The following CCNH variants were observed in gnomAD, a reference collection of about 807,000 sequenced individuals.
CCNH encodes cyclin H.
CCNH carries 31 observed loss-of-function variants against 41.9 expected under a neutral mutation model. The ratio of observed to expected loss-of-function variants is 0.74; its 90% CI spans 0.56 to 1.00. The LOEUF (loss-of-function observed/expected upper bound fraction) is 1.00. Ranked by LOEUF, CCNH falls within the 50% of genes least tolerant of loss-of-function variation. The pLI is 0.00. For missense variants in CCNH, 362 were observed against 388.4 expected (o/e 0.93, Z 0.57); for synonymous variants, 138 against 136.1 (o/e 1.01, Z -0.10).
At chr5:87,351,035 C>A (rs987630604) in intron 9 of CCNH, among the ~76,000 whole-genome samples, 2 of 151,442 alleles carry the variant, frequency 1.3e-5, no homozygotes, top group Admixed American at 1.3e-4. Flanking sequence ...AAAGATTTTT[C>A]AATAAATCTG....
At chr5:87,320,165 G>A (rs922124771) in intron 9 of CCNH, among the ~76,000 whole-genome samples, 1 of 152,156 alleles carries the variant, frequency 6.6e-6, no homozygotes, top group Non-Finnish European at 1.5e-5. Context: ...GATTTTCACT[G>A]TCCATATCAC....
At chr5:87,326,544 G>A (rs976391088) in intron 9 of CCNH, among the ~76,000 whole-genome samples, 3 of 152,094 alleles carry the variant, frequency 2.0e-5, no homozygotes, top group African/African-American at 7.2e-5. Context: ...ATCTTCCTTA[G>A]AGAGGCAAAG....
At chr5:87,374,035 T>C, downstream of CCNH, 1 of 809,580 alleles carries the variant, frequency 1.2e-6, no homozygotes, top group South Asian at 4.8e-5. Context: ...AAAGCTCACA[T>C]TTTCTGAAAA....
intron 9 of CCNH, among the ~76,000 whole-genome samples, chr5:87,382,194 C>A (rs1446653175): frequency 6.6e-6 from 1 of 152,174 alleles, no homozygotes; most frequent in Non-Finnish European, 1.5e-5. Flanking sequence ...TCAGGTGGTA[C>A]ACCCACCTCG....
chr5:87,364,853 G>T (rs767990829), intron 9 of CCNH, among the ~76,000 whole-genome samples: 6 of 152,106 alleles, frequency 3.9e-5, no homozygotes, highest in Non-Finnish European at 8.8e-5. Context: ...CTGGGTTACT[G>T]AGGTAGCAAA....
At chr5:87,373,460 C>T (rs1761097427), downstream of CCNH, among the ~76,000 whole-genome samples, 1 of 152,020 alleles carries the variant, frequency 6.6e-6, no homozygotes, top group South Asian at 2.1e-4. Flanking sequence ...TGGAATCAGT[C>T]CCCCACAGAT....
chr5:87,387,345 G>A (rs1022741908), downstream of CCNH, among the ~76,000 whole-genome samples: 2 of 152,074 alleles, frequency 1.3e-5, no homozygotes, highest in African/African-American at 2.4e-5. Flanking sequence ...ACGTGGATTC[G>A]GTGTTACACT....
Position 87,362,601 on chromosome 5 carries a change from T to C in CCNH, c.*90+30169A>G, listed in dbSNP as rs188482059. On this transcript the variant is annotated intron_variant and NMD_transcript_variant, in intron 9 of 9. Coordinates refer to the CCNH transcript ENST00000645953. ...CAGTGGATGGCAAGGAAATCTATAATACCATCCGTCGTAAAACAAAGGATG... is the reference window on the plus strand; with the variant it reads ...CAGTGGATGGCAAGGAAATCTATAACACCATCCGTCGTAAAACAAAGGATG... The C allele has an allele frequency of 2.1e-5, 33 of 1,596,546 alleles. No individual in the cohort carries two copies. The highest frequency in any genetic ancestry group is 8.6e-7 in the Non-Finnish European group (1 of 1,164,122).
Position 87,352,573 on chromosome 5 carries a change from A to G in CCNH, c.*91-33676T>C, listed in dbSNP as rs558137330. Reference sequence around the variant, plus strand: ...TTTATTTTTTTGTAATATTTTCCCAATATTTCCCAATTTGTAGCACTTTTA... The same window carrying G: ...TTTATTTTTTTGTAATATTTTCCCAGTATTTCCCAATTTGTAGCACTTTTA... On this transcript the variant is annotated intron_variant and NMD_transcript_variant, in intron 9 of 9. Transcript: ENST00000645953. Among the ~76,000 whole-genome samples the G allele has an allele frequency of 4.7e-4, 72 of 151,890 alleles. No homozygotes were observed. In the South Asian group the frequency reaches 5.8e-3, roughly 12 times the overall value.
intron 9 of CCNH, among the ~76,000 whole-genome samples, chr5:87,319,103 C>G (rs1561277554): frequency 6.6e-6 from 1 of 152,244 alleles, no homozygotes; most frequent in Non-Finnish European, 1.5e-5. Flanking sequence ...CACGCTGATG[C>G]AAGGGGTGGC....
intron 8 of CCNH, 179 bp downstream of exon 8, chr5:87,394,865 A>G: frequency 8.6e-6 from 12 of 1,393,804 alleles, no homozygotes; most frequent in Non-Finnish European, 1.0e-5. Flanking sequence ...ATAAAGACAG[A>G]AGAGAGAAAA....
chr5:87,330,042 C>A (rs1353640110), intron 9 of CCNH, among the ~76,000 whole-genome samples: 1 of 152,078 alleles, frequency 6.6e-6, no homozygotes, highest in Non-Finnish European at 1.5e-5. Context: ...TCTTTCCCTT[C>A]TTCCTCTAGT....
chr5:87,395,530 T>C (rs183478666), intron 7 of CCNH, among the ~76,000 whole-genome samples: 7 of 152,212 alleles, frequency 4.6e-5, no homozygotes, highest in Admixed American at 3.9e-4. Flanking sequence ...ATGAATTTAA[T>C]GTGTGATAAG....
intron 2 of CCNH, among the ~76,000 whole-genome samples, chr5:87,410,481 T>C (rs867479768): frequency 6.6e-6 from 1 of 152,184 alleles, no homozygotes. Flanking sequence ...AAAATGGAGA[T>C]AATTTCCTAG....
At chr5:87,344,718 T>A (rs530394254) in intron 9 of CCNH, among the ~76,000 whole-genome samples, 6 of 148,404 alleles carry the variant, frequency 4.0e-5, no homozygotes, top group African/African-American at 1.5e-4. Flanking sequence ...GAGGTCTTAC[T>A]ATGCTGCCCA....
At chr5:87,344,371 C>G (rs879496144) in intron 9 of CCNH, among the ~76,000 whole-genome samples, 1 of 152,074 alleles carries the variant, frequency 6.6e-6, no homozygotes, top group Non-Finnish European at 1.5e-5. Flanking sequence ...AAAATTGAAT[C>G]TTATACTGAT....
In CCNH at chr5:87,408,057, T is replaced by A; in HGVS notation, c.444A>T (p.Leu148=). ...KALEQILEYE[L]LLIQQLNFHL... The stretch of plus-strand genomic sequence containing the variant: ...GGAAATTAAGTTGCTGTATAAGAAG[T>A]AGTTCATATTCCAGTATCTGTTCAA... Residue 148 remains leucine, a synonymous_variant, in exon 4 of 9, where the codon CTA becomes CTT. Coordinates refer to ENST00000256897, the MANE Select transcript of CCNH (RefSeq NM_001239.4). The A allele has an allele frequency of 6.2e-7, 1 of 1,613,534 alleles. No homozygotes were observed.
At chr5:87,352,224 CTTTTG>C (rs1353704911) in intron 9 of CCNH, among the ~76,000 whole-genome samples, 1 of 151,346 alleles carries the variant, frequency 6.6e-6, no homozygotes, top group Non-Finnish European at 1.5e-5. Flanking sequence ...TTTTCAGGTC[CTTTTG>C]TTTTGGTTTT....
At chr5:87,316,952 G>A (rs187744166), downstream of CCNH, among the ~76,000 whole-genome samples, 20 of 151,478 alleles carry the variant, frequency 1.3e-4, no homozygotes, top group Admixed American at 5.9e-4. Context: ...GCGAAATCTC[G>A]GCTTACTGCA....
Sources: allele counts gnomAD v4.1 joint callset (sites outside exome capture counted in the v4.1 genomes callset), GRCh38; gene constraint gnomAD v4.1.1; transcripts MANE v1.5; gene names NCBI Gene and HGNC (gene_info 2026-07-23, HGNC 2026-07-21).